The following MICAL3 variants were observed in gnomAD, a reference collection of about 807,000 sequenced individuals.
The protein encoded by MICAL3 is [F-actin]-monooxygenase MICAL3.
In MICAL3, 62 loss-of-function variants were observed where a neutral mutation model predicts 207.4. The ratio of observed to expected loss-of-function variants is 0.30; its 90% confidence interval spans 0.24 to 0.37. The LOEUF (loss-of-function observed/expected upper bound fraction) is 0.37. MICAL3 is among the 10% of genes least tolerant of loss of function. The pLI, the probability that MICAL3 is intolerant of heterozygous loss-of-function variation, is 1.00. For missense variants in MICAL3, 2,368 were observed against 2,635.6 expected, an observed-to-expected ratio of 0.90 and a Z score of 2.22; for synonymous variants, 1,077 against 1,069.3, an observed-to-expected ratio of 1.01 and a Z score of -0.14.
rs1395305160 is a variant in MICAL3, at chr22:17,817,769, C to T, written c.4892G>A (p.Arg1631Lys). Residue 1631 changes from arginine to lysine, a missense_variant, in exon 26 of 32, where the codon AGG becomes AAG. Transcript: ENST00000441493. ...GGGTGCTGAGGACGCCTTGCGGGGC[C>T]TGGGGGCGCCTGAGGCCAGCTCCAT... ...QQMELASGAP[R>K]PRKASSAPSQ... 1 of 1,595,648 alleles carries T rather than the reference C, an allele frequency of 6.3e-7. No individual in the cohort carries two copies. The highest frequency in any genetic ancestry group is 8.5e-7 in the Non-Finnish European group (1 of 1,170,682).
In MICAL3 at chr22:17,833,855, G is replaced by A. The variant is rs560024903; in HGVS notation, c.2802-1748C>T. The stretch of plus-strand genomic sequence containing the variant: ...TACTCCTGGCGTATCGTCACACATC[G>A]AGACCAAGAGAGTACAGCTGTCCTG... On this transcript the variant is annotated intron_variant, in intron 20 of 31. Transcript: ENST00000441493. Among the ~76,000 whole-genome samples, 6 of 152,198 alleles carry A rather than the reference G, an allele frequency of 3.9e-5. No individual in the cohort carries two copies. The South Asian group carries it at 1.2e-3, about 32-fold the overall frequency.
intron 1 of MICAL3, among the ~76,000 whole-genome samples, chr22:17,968,728 T>C (rs986341126): frequency 6.6e-6 from 1 of 152,064 alleles, no homozygotes; most frequent in African/African-American, 2.4e-5. Context: ...CTCAAACAGA[T>C]GTGGCCACCA....
chr22:17,832,125 C>G lies in MICAL3; in HGVS notation c.2802-18G>C. ...CGGAACTACTGTGAGGAAATAACCA[C>G]ATAGCCAGAGTGAGGGAATGAAGAA... is the stretch of plus-strand genomic sequence containing the variant. On this transcript the variant is annotated intron_variant, in intron 20 of 31. Coordinates refer to ENST00000441493, the MANE Select transcript of MICAL3 (RefSeq NM_015241.3). 6.4e-7 allele frequency: 1 copy of G among 1,557,700 alleles called. No homozygotes were observed. The highest frequency in any genetic ancestry group is 8.7e-7 in the Non-Finnish European group (1 of 1,150,894).
Position 17,822,090 on chromosome 22 carries a change from C to G in MICAL3, c.3388G>C (p.Glu1130Gln). ...PCPAEGEAEL[E>Q]LRVSEDEEKL... ...TCCTCATCTTCCGACACCCTCAGCT[C>G]CAGCTCTGCTTCCCCCTCAGCTGGG... is the stretch of plus-strand genomic sequence containing the variant. The change falls in exon 24 of 32, where the codon GAG becomes CAG. Residue 1130 changes from glutamate (E) to glutamine (Q), a missense_variant. Transcript: ENST00000441493. 1 of 1,613,976 alleles carries G rather than the reference C, an allele frequency of 6.2e-7. No homozygotes were observed.
At chr22:17,960,975 T>C (rs997960813) in intron 1 of MICAL3, among the ~76,000 whole-genome samples, 1 of 152,046 alleles carries the variant, frequency 6.6e-6, no homozygotes, top group Non-Finnish European at 1.5e-5. Flanking sequence ...AGCTTTGGCA[T>C]TGACTGGGGT....
At chr22:17,878,259 C>T (rs1047715097) in intron 16 of MICAL3, among the ~76,000 whole-genome samples, 7 of 152,236 alleles carry the variant, frequency 4.6e-5, no homozygotes, top group Admixed American at 4.6e-4. Flanking sequence ...GTGAAAAGGG[C>T]TGCTTTCCTT....
intron 21 of MICAL3, among the ~76,000 whole-genome samples, chr22:17,830,265 C>T (rs749266396): frequency 2.6e-5 from 4 of 152,148 alleles, no homozygotes; most frequent in Non-Finnish European, 4.4e-5. Flanking sequence ...TGCACAGGCA[C>T]CGTCGGCTGC....
At chr22:17,887,496 C>T in intron 13 of MICAL3, 61 bp from the exon 14 acceptor site, 1 of 1,054,382 alleles carries the variant, frequency 9.5e-7, no homozygotes, top group Non-Finnish European at 1.4e-6. Flanking sequence ...AAATCCTGAC[C>T]AAAACTACTC....
Position 17,822,077 on chromosome 22 carries a change from G to C in MICAL3, c.3401C>G (p.Ser1134Trp), listed in dbSNP as rs200633079. The change falls in exon 24 of 32, where the codon TCG becomes TGG. Residue 1134 changes from serine to tryptophan, a missense_variant. Around this residue, in one of 4 missense-constraint regions of MICAL3, gnomAD observed 1,770 missense variants for 1,863.2 expected, o/e 0.95. Coordinates refer to ENST00000441493, the MANE Select transcript of MICAL3 (RefSeq NM_015241.3). ...GGCGGGCAGCTTCTCCTCATCTTCCGACACCCTCAGCTCCAGCTCTGCTTC... is the reference window on the plus strand; with the variant it reads ...GGCGGGCAGCTTCTCCTCATCTTCCCACACCCTCAGCTCCAGCTCTGCTTC... ...EGEAELELRV[S>W]EDEEKLPASP... The C allele has an allele frequency of 6.2e-7, 1 of 1,613,906 alleles. No homozygotes were observed. The highest frequency in any genetic ancestry group is 1.1e-5 in the South Asian group (1 of 91,078).
chr22:17,972,909 C>T (rs988905802), intron 1 of MICAL3, among the ~76,000 whole-genome samples: 8 of 152,238 alleles, frequency 5.3e-5, no homozygotes, highest in African/African-American at 9.6e-5. Flanking sequence ...AGCCCCCAAG[C>T]GCCTGCAGCC....
chr22:17,833,374 A>G (rs914979680), intron 20 of MICAL3, among the ~76,000 whole-genome samples: 1 of 152,234 alleles, frequency 6.6e-6, no homozygotes, highest in Non-Finnish European at 1.5e-5. Flanking sequence ...CTCTGGCCCA[A>G]CAAAATCCAA....
In MICAL3 at chr22:17,887,244, G is replaced by A. The variant is rs1298963688; in HGVS notation, c.2005-12C>T. 6.2e-7 allele frequency: 1 copy of A among 1,613,166 alleles called. No individual in the cohort carries two copies. On this transcript the variant is annotated splice_polypyrimidine_tract_variant and intron_variant, in intron 14 of 31. Transcript: ENST00000441493. Reference sequence around the variant, plus strand: ...TTTTCCTTTTTATCCTGTACCAAGGGAGGAGGGAAACTGCATTATTCTAGC... The same window carrying A: ...TTTTCCTTTTTATCCTGTACCAAGGAAGGAGGGAAACTGCATTATTCTAGC...
intron 1 of MICAL3, among the ~76,000 whole-genome samples, chr22:17,963,348 G>A (rs1201580718): frequency 1.3e-5 from 2 of 152,132 alleles, no homozygotes; most frequent in African/African-American, 4.8e-5. Context: ...TTTAAAGGAA[G>A]ACTGTTAGGG....
At chr22:17,916,653 G>A (rs1052045774) in intron 1 of MICAL3, among the ~76,000 whole-genome samples, 8 of 152,216 alleles carry the variant, frequency 5.3e-5, no homozygotes, top group African/African-American at 1.9e-4. Context: ...ACAAGTCACA[G>A]CTCACTACCG....
chr22:18,024,024 T>C (rs1924648354), intron 1 of MICAL3, among the ~76,000 whole-genome samples: 1 of 151,818 alleles, frequency 6.6e-6, no homozygotes, highest in Admixed American at 6.6e-5. Context: ...CTCTGGGGAG[T>C]GTGTGGTACG....
chr22:17,924,424 A>AAT (rs1932868049), intron 1 of MICAL3, among the ~76,000 whole-genome samples: 1 of 152,236 alleles, frequency 6.6e-6, no homozygotes, highest in South Asian at 2.1e-4. Context: ...ACTCTGTTCA[A>AAT]CTTAAATAAA....
chr22:17,932,169 A>G (rs954181338), intron 1 of MICAL3, among the ~76,000 whole-genome samples: 1 of 152,208 alleles, frequency 6.6e-6, no homozygotes, highest in African/African-American at 2.4e-5. Flanking sequence ...CCCAAGACAC[A>G]TAATTGGCAG....
chr22:17,968,673 C>T (rs976343886), intron 1 of MICAL3, among the ~76,000 whole-genome samples: 7 of 152,096 alleles, frequency 4.6e-5, no homozygotes, highest in Admixed American at 1.3e-4. Context: ...AATGCCCCAA[C>T]GAGCCGCTGA....
At position 17,866,032 on chromosome 22, in the gene MICAL3, G is replaced by A; in HGVS notation, c.2429-20C>T. The A allele has an allele frequency of 1.3e-6, 2 of 1,587,216 alleles. No individual in the cohort carries two copies. Among genetic ancestry groups the A allele is most frequent in the Non-Finnish European group, 1.7e-6 (2 of 1,155,614 alleles). On this transcript the variant is annotated intron_variant, in intron 17 of 31. Transcript: ENST00000441493. ...ATTTACCTGCAGACAGCAAGAGGCA[G>A]GGACAGAGGCGATGAGCCAGGCACG...
Sources: allele counts gnomAD v4.1 joint callset (sites outside exome capture counted in the v4.1 genomes callset), GRCh38; gene constraint gnomAD v4.1.1; regional missense constraint gnomAD v4.1.1; transcripts MANE v1.5; gene names NCBI Gene and HGNC (gene_info 2026-07-23, HGNC 2026-07-21).